SCRN1: variants seen among roughly 807,000 people sequenced by gnomAD.
The protein encoded by SCRN1 is secernin 1, also known as secernin-1.
SCRN1 carries 19 observed loss-of-function variants against 43.3 expected under a neutral mutation model. The ratio of observed to expected loss-of-function variants is 0.44; its 90% CI spans 0.31 to 0.64. The LOEUF is 0.64. Ranked by LOEUF, SCRN1 falls within the 30% of genes least tolerant of loss-of-function variation. The probability of loss-of-function intolerance (pLI) is 0.09; values close to 1 mark genes in which losing one functional copy is unlikely to be tolerated. For synonymous variants in SCRN1, 183 were observed against 188.9 expected (o/e 0.97, Z 0.26); for missense variants, 447 against 524.1 (o/e 0.85, Z 1.44).
intron 1 of SCRN1, among the ~76,000 whole-genome samples, chr7:29,987,850 C>T (rs917272141): frequency 1.3e-5 from 2 of 152,168 alleles, no homozygotes; most frequent in African/African-American, 4.8e-5. Context: ...TCCATTCGCC[C>T]CGCTGGCCTC....
In SCRN1 at chr7:29,923,876, C is replaced by A; in HGVS notation, c.*81G>T. 1 of 1,443,382 alleles carries A rather than the reference C, an allele frequency of 6.9e-7. No individual in the cohort carries two copies. Among genetic ancestry groups the A allele is most frequent in the Non-Finnish European group, 9.4e-7 (1 of 1,065,556 alleles). The allele number at this position is 1,443,382 out of a possible 1,614,324, so 89.4% of individuals were successfully genotyped here. A position where few individuals can be genotyped will look rare whatever the true frequency, so the allele number is the denominator to read the frequency against. The stretch of plus-strand genomic sequence containing the variant: ...CACATATTAACTTTCTCATTTTACT[C>A]AAACAGGAGAGTGGTTTGTTTTGCT... On this transcript the variant is annotated 3_prime_UTR_variant, in exon 8 of 8. Transcript: ENST00000242059.
At chr7:29,925,063 A>G (rs1367011971) in intron 7 of SCRN1, among the ~76,000 whole-genome samples, 4 of 152,146 alleles carry the variant, frequency 2.6e-5, no homozygotes. Context: ...GTTTTCATCT[A>G]CTTGGGGCTT....
Position 29,924,160 on chromosome 7 carries a change from G to A in SCRN1, c.1087-45C>T, listed in dbSNP as rs763484028. ...CTTTAGGTGTCAGCAAAATAGCAGG[G>A]GACATTGCAGCGGACACTGAAACCC... On this transcript the variant is annotated intron_variant, in intron 7 of 7. Coordinates refer to ENST00000242059, the MANE Select transcript of SCRN1 (RefSeq NM_014766.5). The A allele has an allele frequency of 1.9e-5, 30 of 1,573,134 alleles. No homozygotes were observed. In the Middle Eastern group the frequency reaches 9.1e-4, roughly 48 times the overall value.
chr7:29,970,251 A>C (rs768218242), intron 1 of SCRN1, among the ~76,000 whole-genome samples: 40 of 152,100 alleles, frequency 2.6e-4, no homozygotes, highest in Non-Finnish European at 5.1e-4. Flanking sequence ...TCCCAGCCCC[A>C]TCTTCTACCA....
intron 6 of SCRN1, among the ~76,000 whole-genome samples, chr7:29,928,325 C>T (rs1253470902): frequency 6.6e-6 from 1 of 152,100 alleles, no homozygotes; most frequent in African/African-American, 2.4e-5. Flanking sequence ...TAACATATCC[C>T]AGTCTGAAGA....
At chr7:29,971,528 G>A (rs1346896901) in intron 1 of SCRN1, among the ~76,000 whole-genome samples, 3 of 151,878 alleles carry the variant, frequency 2.0e-5, no homozygotes, top group Non-Finnish European at 2.9e-5. Flanking sequence ...AGCTACTTGG[G>A]AGGCTGAGGA....
At chr7:29,972,975 G>A (rs998176177) in intron 1 of SCRN1, among the ~76,000 whole-genome samples, 7 of 152,168 alleles carry the variant, frequency 4.6e-5, no homozygotes, top group Non-Finnish European at 1.0e-4. Context: ...GTGACACAGA[G>A]TCCCAAAGAA....
intron 1 of SCRN1, among the ~76,000 whole-genome samples, chr7:29,987,357 T>C (rs1391827460): frequency 6.6e-6 from 1 of 152,244 alleles, no homozygotes; most frequent in African/African-American, 2.4e-5. Context: ...ATGTTTACAA[T>C]AGGCTTGTTA....
intron 1 of SCRN1, among the ~76,000 whole-genome samples, chr7:29,981,420 A>T (rs1186316422): frequency 6.6e-6 from 1 of 152,238 alleles, no homozygotes; most frequent in Non-Finnish European, 1.5e-5. Flanking sequence ...ACCAAGAGAG[A>T]AAGTTAGTAA....
rs199645578 is a variant in SCRN1, at chr7:29,955,310, T to C, written c.210A>G (p.Ile70Met). The change falls in exon 3 of 8, where the codon ATA (isoleucine) becomes ATG (methionine). Residue 70 changes from isoleucine to methionine, a missense_variant. Coordinates refer to ENST00000242059, the MANE Select transcript of SCRN1 (RefSeq NM_014766.5). ...DQVPRTYAIM[I>M]SRPAWLWGAE... ...CTCCCCAGAGCCAGGCGGGTCTGCT[T>C]ATCATTATGGCATAGGTCCTTGGAA... 5.9e-5 allele frequency: 96 copies of C among 1,614,088 alleles called. No homozygotes were observed. Among genetic ancestry groups the C allele is most frequent in the Admixed American group, 8.3e-5 (5 of 60,012 alleles).
At chr7:29,972,758 T>C (rs1170568123) in intron 1 of SCRN1, among the ~76,000 whole-genome samples, 1 of 152,032 alleles carries the variant, frequency 6.6e-6, no homozygotes, top group Non-Finnish European at 1.5e-5. Context: ...GAAAAGAAAA[T>C]TTTCTGTAGA....
Position 29,965,425 on chromosome 7 carries a change from G to A in SCRN1, c.159+3484C>T, listed in dbSNP as rs1012956038. Among the ~76,000 whole-genome samples the A allele has an allele frequency of 1.3e-5, 2 of 152,110 alleles. No homozygotes were observed. The highest frequency in any genetic ancestry group is 4.8e-5 in the African/African-American group (2 of 41,416). ...AGTCAGGGGCAGCGGGGAGGAGATG[G>A]ACAAACAAGAGAGGGGGCAGCGGGA... On this transcript the variant is annotated intron_variant, in intron 2 of 7. Transcript: ENST00000242059. This position sits in a 1 kb window ranked among gnomAD's most constrained non-coding sequence, Gnocchi z 4.2.
intron 2 of SCRN1, among the ~76,000 whole-genome samples, chr7:29,966,390 G>C (rs1437793322): frequency 6.6e-6 from 1 of 152,128 alleles, no homozygotes; most frequent in East Asian, 1.9e-4. Context: ...ATGGGATTTG[G>C]TGCAGCCACC....
At chr7:29,943,941 T>C (rs768449996) in intron 4 of SCRN1, 36 bp downstream of exon 4, 7 of 1,601,870 alleles carry the variant, frequency 4.4e-6, no homozygotes, top group South Asian at 1.1e-5. Context: ...TGGCCTTCCC[T>C]GTCCTCAGAA....
intron 4 of SCRN1, among the ~76,000 whole-genome samples, chr7:29,941,471 G>A (rs1051451984): frequency 6.6e-6 from 1 of 151,938 alleles, no homozygotes; most frequent in Middle Eastern, 3.4e-3. Flanking sequence ...AAATCATAGT[G>A]GCAATGACAA....
intron 6 of SCRN1, among the ~76,000 whole-genome samples, chr7:29,930,550 C>T (rs1787122393): frequency 6.6e-6 from 1 of 152,224 alleles, no homozygotes; most frequent in African/African-American, 2.4e-5. Context: ...ATACACCCAA[C>T]CGTGTCCAGC....
intron 1 of SCRN1, chr7:29,969,943 C>A (rs537551416): frequency 2.2e-6 from 1 of 453,110 alleles, no homozygotes; most frequent in African/African-American, 2.0e-5. Flanking sequence ...TAATATATCA[C>A]CAAGTCCTGT....
At chr7:29,979,779 A>T (rs569586351) in intron 1 of SCRN1, among the ~76,000 whole-genome samples, 26 of 152,378 alleles carry the variant, frequency 1.7e-4, no homozygotes, top group African/African-American at 5.3e-4. Context: ...ACATTTTTTT[A>T]AAATGCATTA....
At chr7:29,982,786 T>C (rs1026436521) in intron 1 of SCRN1, among the ~76,000 whole-genome samples, 2 of 151,304 alleles carry the variant, frequency 1.3e-5, no homozygotes, top group African/African-American at 2.4e-5. Context: ...TCCAAAATGC[T>C]CTTAAACACC....
Sources: allele counts gnomAD v4.1 joint callset (sites outside exome capture counted in the v4.1 genomes callset), GRCh38; gene constraint gnomAD v4.1.1; non-coding constraint Gnocchi (gnomAD v3.1); transcripts MANE v1.5; gene names NCBI Gene and HGNC (gene_info 2026-07-23, HGNC 2026-07-21).